The following SMOC1 variants were observed in gnomAD, a reference collection of about 807,000 sequenced individuals.
The protein encoded by SMOC1 is SPARC-related modular calcium-binding protein 1.
In SMOC1, 22 loss-of-function variants were observed where a neutral mutation model predicts 56.3. The observed-to-expected ratio is 0.39, with a 90% confidence interval of 0.28 to 0.56. SMOC1 has a LOEUF of 0.56. Ranked by LOEUF, SMOC1 falls within the 20% of genes least tolerant of loss-of-function variation. The pLI, the probability that SMOC1 is intolerant of heterozygous loss-of-function variation, is 0.61. For missense variants in SMOC1, 509 were observed against 565.4 expected, an observed-to-expected ratio of 0.90 and a Z score of 1.01; for synonymous variants, 193 against 215.0, an observed-to-expected ratio of 0.90 and a Z score of 0.89.
chr14:69,969,415 G>GGGAAGC (rs1883680050), intron 3 of SMOC1, among the ~76,000 whole-genome samples: 1 of 152,118 alleles, frequency 6.6e-6, no homozygotes, highest in African/African-American at 2.4e-5. Flanking sequence ...GAAGGGGAAG[G>GGGAAGC]GGAAGCAGGC....
At chr14:69,981,170 C>A (rs762650599) in intron 5 of SMOC1, among the ~76,000 whole-genome samples, 2 of 151,540 alleles carry the variant, frequency 1.3e-5, no homozygotes, top group Non-Finnish European at 2.9e-5. Context: ...AGACAGGAGG[C>A]CTGAGTGGCT....
chr14:70,025,499 A>C (rs776142683), intron 11 of SMOC1, among the ~76,000 whole-genome samples: 7 of 152,088 alleles, frequency 4.6e-5, no homozygotes, highest in Non-Finnish European at 8.8e-5. Context: ...CTCTGTTCCC[A>C]TAGTACTCTG....
At chr14:70,014,127 G>A (rs772349077) in intron 10 of SMOC1, among the ~76,000 whole-genome samples, 18 of 152,316 alleles carry the variant, frequency 1.2e-4, no homozygotes, top group East Asian at 3.9e-4. Flanking sequence ...TCATCCATCC[G>A]CTTACCACCT....
intron 7 of SMOC1, among the ~76,000 whole-genome samples, chr14:70,003,048 C>T (rs762406515): frequency 5.9e-5 from 9 of 152,222 alleles, no homozygotes; most frequent in Admixed American, 2.0e-4. Context: ...CATGCTCGCA[C>T]GCTGACCTAG....
At chr14:69,943,583 C>T (rs965969195) in intron 1 of SMOC1, among the ~76,000 whole-genome samples, 6 of 152,222 alleles carry the variant, frequency 3.9e-5, no homozygotes, top group African/African-American at 1.2e-4. Flanking sequence ...GGCGAACAGT[C>T]CCAGGTTGGA....
chr14:69,929,341 C>A (rs558861599), intron 1 of SMOC1, among the ~76,000 whole-genome samples: 2 of 152,286 alleles, frequency 1.3e-5, no homozygotes, highest in African/African-American at 2.4e-5. Flanking sequence ...AGGCTACAAG[C>A]TTTACATGCA....
At chr14:69,988,503 C>T (rs1332843814) in intron 5 of SMOC1, among the ~76,000 whole-genome samples, 1 of 152,176 alleles carries the variant, frequency 6.6e-6, no homozygotes. Context: ...GCTGCTGCCT[C>T]ATGATTTATT....
At chr14:69,955,212 C>CT (rs1199064423) in intron 3 of SMOC1, among the ~76,000 whole-genome samples, 1 of 152,114 alleles carries the variant, frequency 6.6e-6, no homozygotes, top group African/African-American at 2.4e-5. Context: ...CTCAGAAGCC[C>CT]TCCATACTCT....
chr14:69,955,840 C>A (rs1883166222), intron 3 of SMOC1, among the ~76,000 whole-genome samples: 1 of 152,182 alleles, frequency 6.6e-6, no homozygotes, highest in Non-Finnish European at 1.5e-5. Context: ...GAATTCATGT[C>A]TGTGGGGAGG....
intron 3 of SMOC1, among the ~76,000 whole-genome samples, chr14:69,962,185 A>T (rs1186376374): frequency 3.3e-5 from 5 of 151,742 alleles, no homozygotes; most frequent in African/African-American, 1.2e-4. Flanking sequence ...TTTGAGATGG[A>T]TCTGACTCAC....
intron 3 of SMOC1, among the ~76,000 whole-genome samples, chr14:69,967,887 C>A (rs772337939): frequency 6.6e-6 from 1 of 152,116 alleles, no homozygotes. Context: ...AAGATGTGTG[C>A]GATAACCTAT....
rs1431269400 is a variant in SMOC1 at position 69,912,402 on chromosome 14, C to T, written c.99+32625C>T. Among the ~76,000 whole-genome samples, 14 of 152,312 alleles carry T rather than the reference C, an allele frequency of 9.2e-5. 1 individual carries two copies. In the East Asian group the frequency reaches 2.7e-3, roughly 29 times the overall value. On this transcript the variant is annotated intron_variant, in intron 1 of 11. Coordinates refer to ENST00000361956, the MANE Select transcript of SMOC1 (RefSeq NM_001034852.3). ...TAGCTGGGACTAAAGGCATGCACCA[C>T]TACACCTGGCTAATTAAAAAAATTT... is the stretch of plus-strand genomic sequence containing the variant.
chr14:69,936,103 G>T (rs527544822), intron 1 of SMOC1, among the ~76,000 whole-genome samples: 8 of 152,114 alleles, frequency 5.3e-5, no homozygotes, highest in Non-Finnish European at 1.0e-4. Context: ...TTTTGGCCCT[G>T]TGATTTTCAT....
intron 1 of SMOC1, among the ~76,000 whole-genome samples, chr14:69,893,137 TAAATC>T (rs1219641557): frequency 6.6e-6 from 1 of 152,244 alleles, no homozygotes; most frequent in Non-Finnish European, 1.5e-5. Flanking sequence ...AAATGATAGT[TAAATC>T]AATAGGTTTG....
chr14:69,992,006 T>C (rs1446177689), intron 5 of SMOC1, among the ~76,000 whole-genome samples: 1 of 152,146 alleles, frequency 6.6e-6, no homozygotes, highest in Non-Finnish European at 1.5e-5. Context: ...GGGGACACCA[T>C]AATTTGATGC....
chr14:69,887,253 A>T (rs1365645857), intron 1 of SMOC1, among the ~76,000 whole-genome samples: 2 of 151,366 alleles, frequency 1.3e-5, no homozygotes, highest in African/African-American at 2.4e-5. Context: ...AACTAAAATT[A>T]AAAAAAAGTT....
chr14:69,944,324 G>A (rs1594815609), intron 1 of SMOC1, among the ~76,000 whole-genome samples: 1 of 152,204 alleles, frequency 6.6e-6, no homozygotes, highest in Non-Finnish European at 1.5e-5. Flanking sequence ...AGTTCATCAG[G>A]TGGAAGCACA....
At chr14:69,964,061 GT>G (rs1883479839) in intron 3 of SMOC1, among the ~76,000 whole-genome samples, 1 of 152,194 alleles carries the variant, frequency 6.6e-6, no homozygotes, top group South Asian at 2.1e-4. Flanking sequence ...TTCAATGGCT[GT>G]TTTCTAGCTG....
chr14:69,885,257 G>A lies in SMOC1; in HGVS notation c.99+5480G>A, dbSNP rs1032674010. 36 of 861,760 alleles carry A rather than the reference G, an allele frequency of 4.2e-5. No homozygotes were observed. The African/African-American group carries it at 4.7e-4, about 11-fold the overall frequency. The allele number at this position is 861,760 out of a possible 1,614,324, so 53.4% of individuals were successfully genotyped here. On this transcript the variant is annotated intron_variant, in intron 1 of 11. Transcript: ENST00000361956. ...CTTAGGAACGATTACTCTCTCCTTC[G>A]AACAACTTCTTTTTTTTTTTTTTTA...
Sources: gnomAD v4.1 joint callset for allele counts (sites outside exome capture counted in the v4.1 genomes callset) on GRCh38, gnomAD v4.1.1 for gene constraint, MANE v1.5 for transcripts, NCBI Gene and HGNC (gene_info 2026-07-23, HGNC 2026-07-21) for gene names.